ENOSF1: variants seen among roughly 807,000 people sequenced by gnomAD.
ENOSF1 encodes the protein enolase superfamily member 1, also known as mitochondrial enolase superfamily member 1.
A neutral mutation model predicts 68.2 loss-of-function variants in ENOSF1; 73 were observed. That is an observed-to-expected ratio of 1.07 (90% CI 0.89 to 1.30). ENOSF1 has a LOEUF of 1.30. Ranked by LOEUF, ENOSF1 falls within the 50% of genes most tolerant of loss-of-function variation. ENOSF1 has a pLI of 0.00. For synonymous variants in ENOSF1, 223 were observed against 210.4 expected (o/e 1.06, Z -0.52); for missense variants, 589 against 554.5 (o/e 1.06, Z -0.62).
At chr18:704,549 T>C (rs1017393716) in intron 2 of ENOSF1, among the ~76,000 whole-genome samples, 3 of 151,758 alleles carry the variant, frequency 2.0e-5, no homozygotes, top group Non-Finnish European at 4.4e-5. Context: ...TTCTTTTATG[T>C]CTACTTCCCC....
chr18:698,554 C>T (rs1053528793), intron 2 of ENOSF1, among the ~76,000 whole-genome samples: 13 of 152,130 alleles, frequency 8.5e-5, no homozygotes, highest in Non-Finnish European at 1.5e-5. Flanking sequence ...CTACATTTTT[C>T]ATAAGTAATT....
chr18:710,147 C>T (rs1241592946), intron 1 of ENOSF1, among the ~76,000 whole-genome samples: 1 of 152,070 alleles, frequency 6.6e-6, no homozygotes, highest in Non-Finnish European at 1.5e-5. Context: ...CTCTCTCTCT[C>T]ACCCAGGCTG....
intron 1 of ENOSF1, chr18:712,234 G>A (rs908049671): frequency 1.7e-5 from 26 of 1,505,712 alleles, no homozygotes; most frequent in African/African-American, 2.8e-5. Flanking sequence ...CATGAAAAGC[G>A]AGTGTCTCCC....
At chr18:683,487 G>C (rs1024134119) in intron 10 of ENOSF1, 107 bp from the exon 11 acceptor site, 4 of 1,355,502 alleles carry the variant, frequency 3.0e-6, no homozygotes, top group Non-Finnish European at 4.1e-6. Context: ...CAACAGCTGA[G>C]TGAGACCCCC....
chr18:701,711 C>T (rs1403841427), intron 2 of ENOSF1, among the ~76,000 whole-genome samples: 14 of 150,336 alleles, frequency 9.3e-5, no homozygotes, highest in Admixed American at 6.0e-4. Context: ...GAGCTGAGAT[C>T]GCGCCACTGT....
the ENOSF1 span, among the ~76,000 whole-genome samples, chr18:665,235 G>T: frequency 7.3e-5 from 11 of 150,786 alleles, no homozygotes; most frequent in African/African-American, 1.7e-4. Flanking sequence ...CTTCTTCCTG[G>T]TTTAGTCTTG....
At position 673,256 on chromosome 18, in the gene ENOSF1, TG is replaced by T. The variant is rs148043952; in HGVS notation, c.*1048del. On this transcript the variant is annotated 3_prime_UTR_variant, in exon 16 of 16. Transcript: ENST00000647584. ...TATGAACAAAGTGAGGAGAATGAAA[TG>T]TATGTGCTCTTAGCAAAAACATGTA... The T allele has an allele frequency of 4.4e-3, 1,423 of 321,502 alleles. 18 individuals are homozygous for T. The highest frequency in any genetic ancestry group is 0.028 in the African/African-American group (1,323 of 48,090). The allele number at this position is 321,502 out of a possible 1,614,324, so 19.9% of individuals were successfully genotyped here.
chr18:693,287 C>A, intron 5 of ENOSF1: 1 of 1,265,196 alleles, frequency 7.9e-7, no homozygotes, highest in Non-Finnish European at 1.0e-6. Flanking sequence ...ATGGCCTGAT[C>A]TTATTCTTGG....
chr18:693,143 G>GT (rs1462355284), intron 5 of ENOSF1: 13 of 1,289,038 alleles, frequency 1.0e-5, no homozygotes, highest in Non-Finnish European at 1.3e-5. Context: ...AATTTGCCCA[G>GT]TTTTTTCCTC....
intron 1 of ENOSF1, among the ~76,000 whole-genome samples, chr18:710,137 C>A (rs892896936): frequency 6.6e-6 from 1 of 151,950 alleles, no homozygotes; most frequent in Non-Finnish European, 1.5e-5. Context: ...GAGACAGGGT[C>A]TCTCTCTCTC....
At chr18:696,727 G>A (rs1323276977) in intron 3 of ENOSF1, among the ~76,000 whole-genome samples, 4 of 152,074 alleles carry the variant, frequency 2.6e-5, no homozygotes, top group Admixed American at 2.6e-4. Context: ...TAGATCATCA[G>A]TCTTACAGAA....
intron 2 of ENOSF1, among the ~76,000 whole-genome samples, chr18:698,234 T>G (rs371441417): frequency 6.6e-6 from 1 of 152,230 alleles, no homozygotes; most frequent in African/African-American, 2.4e-5. Flanking sequence ...ATTGACAAGT[T>G]TAAATATAAA....
chr18:692,849 G>C lies in ENOSF1; in HGVS notation c.423+1033C>G, dbSNP rs1275575567. On this transcript the variant is annotated intron_variant, in intron 5 of 15. Coordinates refer to ENST00000647584, the MANE Select transcript of ENOSF1 (RefSeq NM_017512.7). ...GGAAGCCACTCTCCATGTCAGAGAC[G>C]ATGTGACAGCCTCCTGTCTTCACTT... The C allele has an allele frequency of 5.6e-6, 6 of 1,079,512 alleles. No homozygotes were observed. The South Asian group carries it at 1.6e-4, about 28-fold the overall frequency. The allele number at this position is 1,079,512 out of a possible 1,614,324, so 66.9% of individuals were successfully genotyped here.
In ENOSF1 at chr18:684,057, T is replaced by G. The variant is rs1049105402; in HGVS notation, c.742-677A>C. On this transcript the variant is annotated intron_variant, in intron 10 of 15. Transcript: ENST00000647584. The stretch of plus-strand genomic sequence containing the variant: ...CACCAAGGCTGGAGTGCAGTGGCGC[T>G]ATCTCGGCTCACTGCAACCTCTGCC... Among the ~76,000 whole-genome samples, 12 of 151,360 alleles carry G rather than the reference T, an allele frequency of 7.9e-5. No homozygotes were observed. In the South Asian group the frequency reaches 8.4e-4, roughly 11 times the overall value.
chr18:693,646 G>C lies in ENOSF1; in HGVS notation c.423+236C>G, dbSNP rs954922322. 94 of 985,394 alleles carry C rather than the reference G, an allele frequency of 9.5e-5. No individual in the cohort carries two copies. The African/African-American group carries it at 1.6e-3, about 16-fold the overall frequency. 61.0% of individuals were successfully genotyped at this position (985,394 alleles called of 1,614,324 possible). ...CACCGTGTGTTACACATGCACAGTG[G>C]GGGAGGCAGGACCCCCTCACTGCTT... On this transcript the variant is annotated intron_variant, in intron 5 of 15. Coordinates refer to ENST00000647584, the MANE Select transcript of ENOSF1 (RefSeq NM_017512.7).
Position 671,250 on chromosome 18 carries a change from A to G in ENOSF1, c.*3055T>C, listed in dbSNP as rs2075034373. ...TAACAAGATGCTGTTGCTACAAAAA[A>G]ATGGAAAAGCTACACTAAATTATTT... On this transcript the variant is annotated 3_prime_UTR_variant, in exon 16 of 16. Transcript: ENST00000647584. 3 of 720,048 alleles carry G rather than the reference A, an allele frequency of 4.2e-6. No homozygotes were observed. The highest frequency in any genetic ancestry group is 7.3e-6 in the Non-Finnish European group (3 of 411,854). 44.6% of individuals were successfully genotyped at this position (720,048 alleles called of 1,614,324 possible). A position where few individuals can be genotyped will look rare whatever the true frequency, so the allele number is the denominator to read the frequency against.
In ENOSF1 at chr18:675,771, C is replaced by T. The variant is rs551286182; in HGVS notation, c.1149-369G>A. On this transcript the variant is annotated intron_variant, in intron 14 of 15. Coordinates refer to ENST00000647584, the MANE Select transcript of ENOSF1 (RefSeq NM_017512.7). ...ATTTTGTGATCTATTTTTCAAGAAG[C>T]GTTTGTATTTTTTCACATGGCTGCA... is the stretch of plus-strand genomic sequence containing the variant. Among the ~76,000 whole-genome samples, 12 of 152,142 alleles carry T rather than the reference C, an allele frequency of 7.9e-5. No individual in the cohort carries two copies. In the East Asian group the frequency reaches 1.4e-3, roughly 17 times the overall value.
chr18:671,773 G>T lies in ENOSF1; in HGVS notation c.*2532C>A. ...CTTGAAGGAGAATTGAAGTGCAAAT[G>T]TTTTTCCTTTTCTTTTTTTTTTGAG... On this transcript the variant is annotated 3_prime_UTR_variant, in exon 16 of 16. Coordinates refer to ENST00000647584, the MANE Select transcript of ENOSF1 (RefSeq NM_017512.7). 1 of 291,292 alleles carries T rather than the reference G, an allele frequency of 3.4e-6. No homozygotes were observed. The highest frequency in any genetic ancestry group is 5.5e-5 in the Admixed American group (1 of 18,064). The allele number at this position is 291,292 out of a possible 1,614,324, so 18.0% of individuals were successfully genotyped here.
At chr18:667,010 GTGATGGAGATGGAGATGGTGATGGA>G (rs2074845636), downstream of ENOSF1, among the ~76,000 whole-genome samples, 1 of 7,330 alleles carries the variant, frequency 1.4e-4, no homozygotes, top group Admixed American at 1.3e-3. Context: ...GATGGTGATG[GTGATGGAGATGGAGATGGTGATGGA>G]GATGGTGATG....
Sources: allele counts gnomAD v4.1 joint callset (sites outside exome capture counted in the v4.1 genomes callset), GRCh38; gene constraint gnomAD v4.1.1; transcripts MANE v1.5; gene names NCBI Gene and HGNC (gene_info 2026-07-23, HGNC 2026-07-21).